IL34: variants seen among roughly 807,000 people sequenced by gnomAD.
IL34 encodes the protein interleukin-34.
In IL34, 17 loss-of-function variants were observed where a neutral mutation model predicts 25.3. The ratio of observed to expected loss-of-function variants is 0.67; its 90% CI spans 0.46 to 1.01. The LOEUF (loss-of-function observed/expected upper bound fraction) is 1.01. Among genes scored for constraint, IL34 ranks in the 50% least tolerant of loss-of-function variants. The pLI, the probability that IL34 is intolerant of heterozygous loss-of-function variation, is 0.00. For missense variants in IL34, 368 were observed against 312.9 expected (o/e 1.18, Z -1.33); for synonymous variants, 174 against 140.9 (o/e 1.23, Z -1.66).
chr16:70,646,049 C>T (rs1028612050), upstream of IL34, among the ~76,000 whole-genome samples: 4 of 151,996 alleles, frequency 2.6e-5, no homozygotes, highest in South Asian at 2.1e-4. Flanking sequence ...TCTGAGACTC[C>T]GTCTCAAAAA....
At chr16:70,644,749 G>GGGAGGAGGGAGGAAAA (rs2051868865), upstream of IL34, among the ~76,000 whole-genome samples, 1 of 142,332 alleles carries the variant, frequency 7.0e-6, no homozygotes, top group Non-Finnish European at 1.5e-5. Context: ...AAGAGGAGGA[G>GGGAGGAGGGAGGAAAA]GGAGGAGGGA....
At chr16:70,585,701 A>AT (rs370343116) in intron 1 of IL34, among the ~76,000 whole-genome samples, 10,975 of 142,670 alleles carry the variant, frequency 0.077, 929 homozygotes, top group East Asian at 0.2. Context: ...AAAAAAAAAA[A>AT]TTTTTTTTTT....
intron 1 of IL34, among the ~76,000 whole-genome samples, chr16:70,648,364 T>C (rs1351421899): frequency 6.6e-6 from 1 of 151,924 alleles, no homozygotes; most frequent in Non-Finnish European, 1.5e-5. Flanking sequence ...GAAACCAGGC[T>C]GGGCAGCATA....
chr16:70,647,906 G>A (rs1448762702), intron 1 of IL34, among the ~76,000 whole-genome samples: 1 of 152,218 alleles, frequency 6.6e-6, no homozygotes, highest in Non-Finnish European at 1.5e-5. Flanking sequence ...GCATGGGGGA[G>A]GGGCTACTGG....
intron 1 of IL34, among the ~76,000 whole-genome samples, chr16:70,590,008 G>A (rs1291316718): frequency 6.6e-6 from 1 of 152,242 alleles, no homozygotes; most frequent in Non-Finnish European, 1.5e-5. Flanking sequence ...CATGTGAACT[G>A]TGTTATTAGC....
At chr16:70,642,567 A>G (rs1195420781), upstream of IL34, among the ~76,000 whole-genome samples, 1 of 152,110 alleles carries the variant, frequency 6.6e-6, no homozygotes, top group African/African-American at 2.4e-5. Flanking sequence ...AAGTGCTGGG[A>G]TTACAGGCGT....
intron 1 of IL34, among the ~76,000 whole-genome samples, chr16:70,629,410 C>T (rs2051467018): frequency 6.6e-6 from 1 of 152,130 alleles, no homozygotes; most frequent in African/African-American, 2.4e-5. Flanking sequence ...ATCTCCAGAA[C>T]CTACTACAGT....
At chr16:70,597,335 C>T (rs530128511) in intron 1 of IL34, among the ~76,000 whole-genome samples, 1 of 152,262 alleles carries the variant, frequency 6.6e-6, no homozygotes, top group South Asian at 2.1e-4. Flanking sequence ...ATACTCCTGC[C>T]TCAGCCTCCC....
rs115191409 is a variant in IL34, at chr16:70,594,177, A to G, written c.-401+14128A>G. ...TACAAAATAACTTTCTGGGATTTTT[A>G]TTGTGTTGCATTGAATCTACAAAGT... On this transcript the variant is annotated intron_variant, in intron 1 of 6. Coordinates refer to the IL34 transcript ENST00000429149. Among the ~76,000 whole-genome samples, 938 of 152,172 alleles carry G rather than the reference A, an allele frequency of 6.2e-3. 14 individuals are homozygous for G. The highest frequency in any genetic ancestry group is 0.021 in the African/African-American group (885 of 41,518).
At position 70,646,674 on chromosome 16, in the gene IL34, C is replaced by A. The variant is rs751469171; in HGVS notation, c.-274C>A. The A allele has an allele frequency of 1.6e-5, 7 of 440,486 alleles. No individual in the cohort carries two copies. The highest frequency in any genetic ancestry group is 5.6e-4 in the Middle Eastern group (1 of 1,788). The allele number at this position is 440,486 out of a possible 1,614,324, so 27.3% of individuals were successfully genotyped here. A position where few individuals can be genotyped will look rare whatever the true frequency, so the allele number is the denominator to read the frequency against. On this transcript the variant is annotated 5_prime_UTR_variant, in exon 1 of 6. Transcript: ENST00000288098. ...CTTGGAAAGGAAGACCCCGAAAGAC[C>A]CCCAAGCCACCGGCTCAGACCTGCT... is the stretch of plus-strand genomic sequence containing the variant.
Position 70,618,215 on chromosome 16 carries a change from G to A in IL34, c.-400-28333G>A, listed in dbSNP as rs1476150790. Among the ~76,000 whole-genome samples the A allele has an allele frequency of 1.7e-4, 26 of 152,090 alleles. 1 individual carries two copies. In the South Asian group the frequency reaches 5.4e-3, roughly 32 times the overall value. ...TTGCTGGTGTGTGGTGATTAGGCCT[G>A]GTGGAACCTCCATCAATAAATCAAG... On this transcript the variant is annotated intron_variant, in intron 1 of 6. Coordinates refer to the IL34 transcript ENST00000429149.
chr16:70,580,973 G>A (rs893726189), intron 1 of IL34, among the ~76,000 whole-genome samples: 5 of 150,888 alleles, frequency 3.3e-5, no homozygotes, highest in Admixed American at 2.0e-4. Context: ...GTGCAGTGGC[G>A]TCATCTCAGG....
chr16:70,585,562 G>A (rs910822796), intron 1 of IL34, among the ~76,000 whole-genome samples: 1 of 151,930 alleles, frequency 6.6e-6, no homozygotes, highest in Non-Finnish European at 1.5e-5. Flanking sequence ...GTGCGCACCT[G>A]TAGTCCCAGC....
chr16:70,656,247 C>T (rs745545637), intron 2 of IL34, among the ~76,000 whole-genome samples: 5 of 152,148 alleles, frequency 3.3e-5, no homozygotes, highest in Non-Finnish European at 5.9e-5. Flanking sequence ...CATCAAAATT[C>T]ATCTGGAGGC....
intron 1 of IL34, among the ~76,000 whole-genome samples, chr16:70,636,307 A>T (rs942575764): frequency 6.6e-6 from 1 of 151,988 alleles, no homozygotes; most frequent in African/African-American, 2.4e-5. Context: ...AAGTGCTGGG[A>T]TTACAGGTGT....
intron 1 of IL34, among the ~76,000 whole-genome samples, chr16:70,599,764 T>C (rs1489973421): frequency 6.6e-6 from 1 of 150,562 alleles, no homozygotes; most frequent in East Asian, 2.0e-4. Flanking sequence ...AGCTTCGACC[T>C]CCTGGCCCCA....
intron 1 of IL34, among the ~76,000 whole-genome samples, chr16:70,628,150 T>C (rs12930471): frequency 0.1 from 15,849 of 152,186 alleles, 885 homozygotes; most frequent in South Asian, 0.17. Context: ...GTGTGTGTAG[T>C]GGTAATTAAT....
intron 1 of IL34, among the ~76,000 whole-genome samples, chr16:70,585,459 G>A (rs1240716859): frequency 2.0e-5 from 3 of 151,992 alleles, no homozygotes; most frequent in African/African-American, 7.2e-5. Flanking sequence ...TTGGGAGGCC[G>A]AGGCAGATGG....
intron 1 of IL34, among the ~76,000 whole-genome samples, chr16:70,620,779 T>C (rs2051264961): frequency 6.6e-6 from 1 of 152,154 alleles, no homozygotes; most frequent in African/African-American, 2.4e-5. Context: ...TTGGAACTAC[T>C]GTCGAGTTTG....
Sources: allele counts gnomAD v4.1 joint callset (sites outside exome capture counted in the v4.1 genomes callset), GRCh38; gene constraint gnomAD v4.1.1; transcripts MANE v1.5; gene names NCBI Gene and HGNC (gene_info 2026-07-23, HGNC 2026-07-21).